Variants in KIAA0930 observed in about 807,000 individuals in gnomAD.
KIAA0930 encodes KIAA0930, also known as uncharacterized protein KIAA0930.
KIAA0930 carries 24 observed loss-of-function variants against 43.9 expected under a neutral mutation model. The ratio of observed to expected loss-of-function variants is 0.55; its 90% CI spans 0.40 to 0.77. KIAA0930 has a LOEUF of 0.77. Among genes scored for constraint, KIAA0930 ranks in the 30% least tolerant of loss-of-function variants. The pLI is 0.00. For missense variants in KIAA0930, 461 were observed against 574.2 expected (o/e 0.80, Z 2.02); for synonymous variants, 259 against 216.4 (o/e 1.20, Z -1.73).
intron 1 of KIAA0930, among the ~76,000 whole-genome samples, chr22:45,229,628 GC>G (rs1239805036): frequency 6.6e-6 from 1 of 152,310 alleles, no homozygotes; most frequent in East Asian, 1.9e-4. Context: ...AGAGCCAAGG[GC>G]CCCCCTCTCC....
rs1403545160 is a variant in KIAA0930 at position 45,196,598 on chromosome 22, G to C, written c.*578C>G. Reference sequence around the variant, plus strand: ...CCTTTCTGGAACTGGGCGTGGGTGAGGTATTCCCAGCCCAGGGCAAAGCCA... The same window carrying C: ...CCTTTCTGGAACTGGGCGTGGGTGACGTATTCCCAGCCCAGGGCAAAGCCA... On this transcript the variant is annotated 3_prime_UTR_variant, in exon 10 of 10. Coordinates refer to ENST00000336156, the MANE Select transcript of KIAA0930 (RefSeq NM_001009880.2). This position sits in a 1 kb window ranked among gnomAD's most constrained non-coding sequence, Gnocchi z 4.1. The C allele has an allele frequency of 1.3e-5, 2 of 152,722 alleles. No individual in the cohort carries two copies. Among genetic ancestry groups the C allele is most frequent in the Non-Finnish European group, 2.9e-5 (2 of 68,124 alleles). 9.5% of individuals were successfully genotyped at this position (152,722 alleles called of 1,614,324 possible).
At position 45,240,728 on chromosome 22, in the gene KIAA0930, C is replaced by T. The variant is rs758071439; in HGVS notation, c.-25G>A. 1.9e-6 allele frequency: 2 copies of T among 1,045,926 alleles called. No individual in the cohort carries two copies. The highest frequency in any genetic ancestry group is 4.8e-5 in the South Asian group (1 of 20,874). 64.8% of individuals were successfully genotyped at this position (1,045,926 alleles called of 1,614,324 possible). A position where few individuals can be genotyped will look rare whatever the true frequency, so the allele number is the denominator to read the frequency against. The stretch of plus-strand genomic sequence containing the variant: ...TGTGCTGCAGCGAGCGCTCCTCGGC[C>T]TCGGCGCCGCCCGCAGGCTCGGGGG... On this transcript the variant is annotated 5_prime_UTR_variant, in exon 1 of 10. Transcript: ENST00000336156.
At chr22:45,210,275 G>A (rs1464595127) in intron 2 of KIAA0930, among the ~76,000 whole-genome samples, 1 of 152,210 alleles carries the variant, frequency 6.6e-6, no homozygotes, top group Non-Finnish European at 1.5e-5. Flanking sequence ...ACGGAGGCAG[G>A]GGTGGGGTCC....
At chr22:45,218,769 G>A (rs191580240) in intron 1 of KIAA0930, among the ~76,000 whole-genome samples, 9 of 151,772 alleles carry the variant, frequency 5.9e-5, no homozygotes, top group African/African-American at 1.9e-4. Flanking sequence ...AAGCGAACCC[G>A]GGGGTCACCT....
intron 7 of KIAA0930, chr22:45,202,742 C>T (rs1382277076): frequency 2.2e-6 from 1 of 444,498 alleles, no homozygotes; most frequent in Non-Finnish European, 4.0e-6. Context: ...GCGGTGTGAC[C>T]TTGGCCAGGC....
Position 45,240,753 on chromosome 22 carries a change from G to A in KIAA0930, c.-50C>T, listed in dbSNP as rs2083911921. 1.7e-5 allele frequency: 16 copies of A among 955,878 alleles called. No homozygotes were observed. Among genetic ancestry groups the A allele is most frequent in the Non-Finnish European group, 2.0e-5 (16 of 780,834 alleles). The allele number at this position is 955,878 out of a possible 1,614,324, so 59.2% of individuals were successfully genotyped here. ...CTCGGCGCCGCCCGCAGGCTCGGGG[G>A]CGGCGGCGGCGGGGAGGGCGGGCGG... is the stretch of plus-strand genomic sequence containing the variant. On this transcript the variant is annotated 5_prime_UTR_variant, in exon 1 of 10. Coordinates refer to ENST00000336156, the MANE Select transcript of KIAA0930 (RefSeq NM_001009880.2).
intron 1 of KIAA0930, among the ~76,000 whole-genome samples, chr22:45,228,858 C>CCG: frequency 2.0e-5 from 2 of 102,036 alleles, no homozygotes; most frequent in Non-Finnish European, 3.9e-5. Context: ...CTCTTCACCC[C>CCG]CCAACCACCA....
chr22:45,203,847 G>A lies in KIAA0930; in HGVS notation c.655C>T (p.Arg219Trp), dbSNP rs778901989. The A allele has an allele frequency of 8.1e-6, 13 of 1,613,730 alleles. No homozygotes were observed. Among genetic ancestry groups the A allele is most frequent in the African/African-American group, 2.7e-5 (2 of 74,900 alleles). The change falls in exon 6 of 10, where the codon CGG becomes TGG. Residue 219 changes from arginine to tryptophan, a missense_variant and splice_region_variant. Transcript: ENST00000336156. ...CCGTGAGGCCGCCCCGCACTCACCC[G>A]GTTGTCATACACCTTCTTGAGCGCC... The part of the protein sequence containing the change: ...YEALKKVYDN[R>W]VSVAARMAQK...
At chr22:45,207,363 C>G (rs2083647687) in intron 2 of KIAA0930, among the ~76,000 whole-genome samples, 2 of 149,616 alleles carry the variant, frequency 1.3e-5, no homozygotes, top group African/African-American at 4.9e-5. Context: ...TGCTTTGTCA[C>G]CCGGGCTGGA....
At chr22:45,215,125 C>G (rs187591053) in intron 1 of KIAA0930, among the ~76,000 whole-genome samples, 326 of 151,594 alleles carry the variant, frequency 2.2e-3, no homozygotes, top group Non-Finnish European at 4.0e-3. Flanking sequence ...GGCTGAGGCA[C>G]TAGAATCACT....
At chr22:45,225,416 C>A (rs2083792909) in intron 1 of KIAA0930, among the ~76,000 whole-genome samples, 1 of 152,194 alleles carries the variant, frequency 6.6e-6, no homozygotes, top group Non-Finnish European at 1.5e-5. Flanking sequence ...GTGCCTAAAA[C>A]CCCTGCCTGG....
rs758220668 is a variant in KIAA0930, at chr22:45,205,262, C to A, written c.471G>T (p.Lys157Asn). The change falls in exon 5 of 10, where the codon AAG becomes AAT. Residue 157 changes from lysine to asparagine, a missense_variant. By Grantham distance (94) the Lys-to-Asn change is moderately conservative (BLOSUM62 0). Transcript: ENST00000336156. ...TGAAGAAGATGTTGGGGTAGCTGAT[C>A]TTGGACTCCTCCCCCTTGCTGTCCA... Reference protein sequence around the residue: ...HPMDSKGEESKISYPNIFFMI... With the variant: ...HPMDSKGEESNISYPNIFFMI... 1.9e-6 allele frequency: 3 copies of A among 1,614,214 alleles called. No homozygotes were observed. Among genetic ancestry groups the A allele is most frequent in the Non-Finnish European group, 2.5e-6 (3 of 1,180,040 alleles).
rs552921457 is a variant in KIAA0930 at position 45,206,025 on chromosome 22, C to T, written c.217-113G>A. The T allele has an allele frequency of 1.7e-5, 26 of 1,519,970 alleles. No homozygotes were observed. The South Asian group carries it at 2.7e-4, about 16-fold the overall frequency. 94.2% of individuals were successfully genotyped at this position (1,519,970 alleles called of 1,614,324 possible). On this transcript the variant is annotated intron_variant, in intron 2 of 9. Transcript: ENST00000336156. The stretch of plus-strand genomic sequence containing the variant: ...CAAGGACTCCAATTCTTTTTTCTTA[C>T]TATTTTTTGAGACAGGGTCTCACAC...
Position 45,203,041 on chromosome 22 carries a change from G to A in KIAA0930, c.801C>T (p.Ser267=). The A allele has an allele frequency of 6.2e-7, 1 of 1,613,550 alleles. No homozygotes were observed. Among genetic ancestry groups the A allele is most frequent in the Non-Finnish European group, 8.5e-7 (1 of 1,179,788 alleles). The stretch of plus-strand genomic sequence containing the variant: ...TGGAGTCCTCTTCAGTCCCACAGGG[G>A]GATGTGTCACCTGTAGACACTCGGC... The part of the protein sequence containing the change: ...AVSRVSTGDT[S]PCGTEEDSSP... Residue 267 remains serine (S), a synonymous_variant, in exon 7 of 10, where the codon TCC becomes TCT. Transcript: ENST00000336156.
intron 1 of KIAA0930, among the ~76,000 whole-genome samples, chr22:45,220,698 A>G (rs1310131069): frequency 6.6e-6 from 1 of 151,730 alleles, no homozygotes; most frequent in Admixed American, 6.6e-5. Context: ...CTCCCACCTT[A>G]CTTTCCCAAG....
Position 45,197,282 on chromosome 22 carries a change from G to A in KIAA0930, c.1175-66C>T, listed in dbSNP as rs373061919. On this transcript the variant is annotated intron_variant, in intron 9 of 9. Coordinates refer to ENST00000336156, the MANE Select transcript of KIAA0930 (RefSeq NM_001009880.2). ...CAACAGCGGTGAGTGCTATGGTCAC[G>A]GCAGTGCCACTTCTGAAGGAAGCCC... 678 of 1,412,812 alleles carry A rather than the reference G, an allele frequency of 4.8e-4. 2 individuals carry two copies. The highest frequency in any genetic ancestry group is 8.0e-4 in the South Asian group (60 of 74,864). 87.5% of individuals were successfully genotyped at this position (1,412,812 alleles called of 1,614,324 possible).
intron 1 of KIAA0930, among the ~76,000 whole-genome samples, chr22:45,229,440 C>G (rs991188555): frequency 1.8e-4 from 27 of 151,630 alleles, no homozygotes; most frequent in Admixed American, 1.8e-3. Context: ...TGAGCTGGTG[C>G]GAGGGATGAA....
In KIAA0930 at chr22:45,196,830, C is replaced by T. The variant is rs967312714; in HGVS notation, c.*346G>A. Reference sequence around the variant, plus strand: ...TGCTGGGGGGACGTGAACATAGACCCGCCGCTCTGGCCCCGCTCTGGGCAT... The same window carrying T: ...TGCTGGGGGGACGTGAACATAGACCTGCCGCTCTGGCCCCGCTCTGGGCAT... On this transcript the variant is annotated 3_prime_UTR_variant, in exon 10 of 10. Coordinates refer to ENST00000336156, the MANE Select transcript of KIAA0930 (RefSeq NM_001009880.2). This position sits in a 1 kb window ranked among gnomAD's most constrained non-coding sequence, Gnocchi z 4.1. 7 of 281,688 alleles carry T rather than the reference C, an allele frequency of 2.5e-5. No individual in the cohort carries two copies. Among genetic ancestry groups the T allele is most frequent in the African/African-American group, 6.6e-5 (3 of 45,272 alleles). 17.4% of individuals were successfully genotyped at this position (281,688 alleles called of 1,614,324 possible).
intron 1 of KIAA0930, chr22:45,213,173 T>G: frequency 3.4e-6 from 2 of 579,776 alleles, no homozygotes; most frequent in East Asian, 7.8e-5. Flanking sequence ...ACTAGCTGAG[T>G]CAAATGCAGA....
Sources: gnomAD v4.1 joint callset for allele counts (sites outside exome capture counted in the v4.1 genomes callset) on GRCh38, gnomAD v4.1.1 for gene constraint, Gnocchi (gnomAD v3.1) non-coding constraint, MANE v1.5 for transcripts, NCBI Gene and HGNC (gene_info 2026-07-23, HGNC 2026-07-21) for gene names.